CDH18: variants seen among roughly 807,000 people sequenced by gnomAD.
CDH18 encodes cadherin-18.
CDH18 carries 31 observed loss-of-function variants against 67.9 expected under a neutral mutation model. That is an observed-to-expected ratio of 0.46 (90% confidence interval 0.34 to 0.62). The LOEUF (loss-of-function observed/expected upper bound fraction) is 0.62, where lower values mean the gene tolerates loss of function less well. Ranked by LOEUF, CDH18 falls within the 20% of genes least tolerant of loss-of-function variation. The pLI is 0.01. For missense variants in CDH18, 890 were observed against 975.5 expected (o/e 0.91, Z 1.17); for synonymous variants, 362 against 347.2 (o/e 1.04, Z -0.48).
At chr5:19,477,203 G>T (rs114512091) in intron 12 of CDH18, among the ~76,000 whole-genome samples, 1 of 150,570 alleles carries the variant, frequency 6.6e-6, no homozygotes, top group Non-Finnish European at 1.5e-5. Flanking sequence ...AGGGGATGTT[G>T]TTCATAATTA....
chr5:20,488,700 T>TATATATATATATATATAC (rs369185147), intron 1 of CDH18, among the ~76,000 whole-genome samples: 29 of 137,300 alleles, frequency 2.1e-4, no homozygotes, highest in African/African-American at 6.5e-4. Flanking sequence ...TATATATATA[T>TATATATATATATATATAC]ACACACACAT....
intron 1 of CDH18, among the ~76,000 whole-genome samples, chr5:20,559,466 A>G (rs1355209503): frequency 6.6e-6 from 1 of 152,154 alleles, no homozygotes; most frequent in Non-Finnish European, 1.5e-5. Context: ...TATTTAAAAT[A>G]GTATGGTATA....
intron 1 of CDH18, among the ~76,000 whole-genome samples, chr5:20,454,521 G>A (rs1395043856): frequency 6.6e-6 from 1 of 151,976 alleles, no homozygotes; most frequent in East Asian, 1.9e-4. Context: ...GGTATATAAT[G>A]CTTTATTCCA....
At chr5:20,509,339 G>C (rs191057706) in intron 1 of CDH18, among the ~76,000 whole-genome samples, 1 of 151,024 alleles carries the variant, frequency 6.6e-6, no homozygotes. Context: ...TTGTCCTTTT[G>C]TGCCTAGCTT....
chr5:19,483,177 A>G (rs1322520331), intron 12 of CDH18, 124 bp downstream of exon 12: 2 of 838,024 alleles, frequency 2.4e-6, no homozygotes, highest in Non-Finnish European at 3.8e-6. Context: ...AAATTAATTC[A>G]TAGGAAATTG....
intron 1 of CDH18, among the ~76,000 whole-genome samples, chr5:20,403,739 C>G (rs542883310): frequency 6.6e-6 from 1 of 152,220 alleles, no homozygotes; most frequent in East Asian, 1.9e-4. Context: ...TCTAAACTGG[C>G]CTTGGAATTT....
At chr5:19,877,129 A>G (rs924239293) in intron 2 of CDH18, among the ~76,000 whole-genome samples, 2 of 152,014 alleles carry the variant, frequency 1.3e-5, no homozygotes, top group African/African-American at 4.8e-5. Context: ...AGACTTGGAG[A>G]TTTGCCTTTT....
chr5:19,948,104 C>G (rs1042984048), intron 2 of CDH18, among the ~76,000 whole-genome samples: 1 of 152,100 alleles, frequency 6.6e-6, no homozygotes, highest in African/African-American at 2.4e-5. Flanking sequence ...TTTAGAATAG[C>G]TAATGTAAAA....
chr5:20,454,479 T>A (rs868003342), intron 1 of CDH18, among the ~76,000 whole-genome samples: 1 of 152,134 alleles, frequency 6.6e-6, no homozygotes, highest in Non-Finnish European at 1.5e-5. Flanking sequence ...AAATGACTTA[T>A]GTAATCAAAT....
intron 2 of CDH18, among the ~76,000 whole-genome samples, chr5:20,135,135 C>A (rs993926923): frequency 3.3e-5 from 5 of 152,076 alleles, no homozygotes; most frequent in Admixed American, 6.6e-5. Flanking sequence ...AGAGACTATG[C>A]CTTGCTTATG....
At chr5:19,962,509 C>T (rs1408190031) in intron 2 of CDH18, among the ~76,000 whole-genome samples, 1 of 151,428 alleles carries the variant, frequency 6.6e-6, no homozygotes, top group Non-Finnish European at 1.5e-5. Flanking sequence ...CGTGGTGGCT[C>T]ATGCCTGTAA....
intron 5 of CDH18, among the ~76,000 whole-genome samples, chr5:19,695,159 G>T (rs760333802): frequency 5.9e-5 from 9 of 152,204 alleles, no homozygotes; most frequent in Non-Finnish European, 1.2e-4. Flanking sequence ...ATGGGAAATA[G>T]AATTATCATT....
intron 2 of CDH18, among the ~76,000 whole-genome samples, chr5:20,170,126 A>T (rs1007971835): frequency 1.3e-5 from 2 of 152,060 alleles, no homozygotes; most frequent in Admixed American, 1.3e-4. Context: ...CAGATCACCT[A>T]GGTATTAAGA....
intron 2 of CDH18, among the ~76,000 whole-genome samples, chr5:19,977,316 A>G (rs566827095): frequency 6.6e-6 from 1 of 152,266 alleles, no homozygotes; most frequent in South Asian, 2.1e-4. Flanking sequence ...GTGCTTTCAC[A>G]GGCTTTGCAG....
intron 2 of CDH18, among the ~76,000 whole-genome samples, chr5:20,166,050 T>A (rs1194883585): frequency 2.0e-5 from 3 of 152,088 alleles, no homozygotes; most frequent in Non-Finnish European, 4.4e-5. Context: ...CTTAGGCAAT[T>A]AAAATAATGC....
At chr5:20,358,932 CTTTTTTTTTTT>C (rs66786530) in intron 1 of CDH18, among the ~76,000 whole-genome samples, 1 of 128,180 alleles carries the variant, frequency 7.8e-6, no homozygotes, top group Non-Finnish European at 1.6e-5. Context: ...TTTTTTCTTT[CTTTTTTTTTTT>C]TTTTTTGAGA....
At chr5:20,163,257 C>T (rs113195173) in intron 2 of CDH18, among the ~76,000 whole-genome samples, 1 of 152,040 alleles carries the variant, frequency 6.6e-6, no homozygotes, top group African/African-American at 2.4e-5. Flanking sequence ...CCCTAATGCC[C>T]TTATCAAACT....
intron 2 of CDH18, among the ~76,000 whole-genome samples, chr5:20,194,277 A>T (rs2126728233): frequency 6.6e-6 from 1 of 152,246 alleles, no homozygotes; most frequent in Non-Finnish European, 1.5e-5. Flanking sequence ...CTCAGGATAC[A>T]AAATCAATGT....
chr5:20,198,145 A>T (rs773583161), intron 2 of CDH18, among the ~76,000 whole-genome samples: 30 of 152,180 alleles, frequency 2.0e-4, no homozygotes, highest in Non-Finnish European at 4.1e-4. Flanking sequence ...TGACTAATAC[A>T]GTAAATTGTT....
Sources: allele counts gnomAD v4.1 joint callset (sites outside exome capture counted in the v4.1 genomes callset), GRCh38; gene constraint gnomAD v4.1.1; transcripts MANE v1.5; gene names NCBI Gene and HGNC (gene_info 2026-07-23, HGNC 2026-07-21).